Variants in TTC7A observed in about 807,000 individuals in gnomAD.
TTC7A encodes the protein tetratricopeptide repeat protein 7A.
A neutral mutation model predicts 103.7 loss-of-function variants in TTC7A; 110 were observed. The ratio of observed to expected loss-of-function variants is 1.06; its 90% CI spans 0.91 to 1.24. The LOEUF is 1.24. TTC7A is among the 50% of genes most tolerant of loss of function. TTC7A has a pLI of 0.00. For missense variants in TTC7A, 1,340 were observed against 1,116.3 expected, an observed-to-expected ratio of 1.20 and a Z score of -2.86; for synonymous variants, 521 against 467.9, an observed-to-expected ratio of 1.11 and a Z score of -1.47.
chr2:46,992,296 G>C (rs1055099103), intron 5 of TTC7A, among the ~76,000 whole-genome samples: 6 of 152,212 alleles, frequency 3.9e-5, no homozygotes, highest in African/African-American at 1.4e-4. Context: ...GTGTGCGAGG[G>C]TCAGACCTGC....
intron 2 of TTC7A, among the ~76,000 whole-genome samples, chr2:46,919,592 C>G (rs1668993269): frequency 2.6e-5 from 4 of 152,100 alleles, no homozygotes; most frequent in Admixed American, 2.6e-4. Flanking sequence ...TGAAATTGAT[C>G]AGAAGTCTAA....
Position 46,993,532 on chromosome 2 carries a change from A to T in TTC7A, c.843+4A>T. ...AGCAACTCAGAACTTCAAAGTGGTA[A>T]TGTGGGGTGCTGGCAGTGCTGGCTT... On this transcript the variant is annotated splice_donor_region_variant and intron_variant, in intron 6 of 19. Coordinates refer to ENST00000319190, the MANE Select transcript of TTC7A (RefSeq NM_020458.4). The T allele has an allele frequency of 2.5e-6, 4 of 1,613,970 alleles. No homozygotes were observed. The highest frequency in any genetic ancestry group is 3.4e-6 in the Non-Finnish European group (4 of 1,179,890).
In TTC7A at chr2:46,993,309, C is replaced by CT. The variant is rs60188383; in HGVS notation, c.765-140dup. ...CCTCTAAAGTCCTGGTGTTACAACTCTAACTTTTCACTCCAGTTATCGAAT... is the reference window on the plus strand; with the variant it reads ...CCTCTAAAGTCCTGGTGTTACAACTCTTAACTTTTCACTCCAGTTATCGAAT... On this transcript the variant is annotated intron_variant, in intron 5 of 19. Coordinates refer to ENST00000319190, the MANE Select transcript of TTC7A (RefSeq NM_020458.4). 119,202 of 761,258 alleles carry CT rather than the reference C, an allele frequency of 0.16. 10,350 individuals are homozygous for CT. The highest frequency in any genetic ancestry group is 0.22 in the Middle Eastern group (900 of 4,104). The allele number at this position is 761,258 out of a possible 1,614,324, so 47.2% of individuals were successfully genotyped here. A position where few individuals can be genotyped will look rare whatever the true frequency, so the allele number is the denominator to read the frequency against.
intron 2 of TTC7A, among the ~76,000 whole-genome samples, chr2:46,951,960 T>C (rs1436850744): frequency 1.3e-5 from 2 of 152,250 alleles, no homozygotes; most frequent in Admixed American, 6.5e-5. Flanking sequence ...GGGATGCTCT[T>C]TGGGGATAAG....
chr2:46,936,729 A>C (rs1669997731), upstream of TTC7A, among the ~76,000 whole-genome samples: 1 of 152,222 alleles, frequency 6.6e-6, no homozygotes, highest in African/African-American at 2.4e-5. Context: ...TGCGGTAGCC[A>C]CTATGAGGAA....
intron 4 of TTC7A, 199 bp from the exon 5 acceptor site, chr2:46,978,593 C>A: frequency 2.9e-6 from 1 of 345,150 alleles, no homozygotes. Flanking sequence ...GGCTTGTGGG[C>A]ATCTAACGGT....
intron 1 of TTC7A, among the ~76,000 whole-genome samples, chr2:46,948,618 G>A (rs559784543): frequency 6.6e-6 from 1 of 152,108 alleles, no homozygotes; most frequent in African/African-American, 2.4e-5. Context: ...CTTCTTCAGA[G>A]GCATGAAGTT....
intron 18 of TTC7A, among the ~76,000 whole-genome samples, chr2:47,059,823 C>A (rs1017315155): frequency 6.6e-6 from 1 of 152,176 alleles, no homozygotes. Flanking sequence ...CATGCCTTGA[C>A]CCCTCTGTGC....
intron 11 of TTC7A, among the ~76,000 whole-genome samples, chr2:47,012,269 C>G (rs905519804): frequency 6.6e-6 from 1 of 152,238 alleles, no homozygotes; most frequent in African/African-American, 2.4e-5. Flanking sequence ...TTTCTTCAGT[C>G]CCAATCAGCT....
intron 3 of TTC7A, among the ~76,000 whole-genome samples, chr2:46,968,405 C>A (rs1187725680): frequency 6.6e-6 from 1 of 152,154 alleles, no homozygotes; most frequent in African/African-American, 2.4e-5. Context: ...GTAGTCTGGC[C>A]GTTTGTGCAG....
rs546680801 is a variant in TTC7A, at chr2:47,046,445, A to C, written c.1919+14A>C. 1 of 1,608,562 alleles carries C rather than the reference A, an allele frequency of 6.2e-7. No homozygotes were observed. Among genetic ancestry groups the C allele is most frequent in the South Asian group, 1.1e-5 (1 of 90,970 alleles). Reference sequence around the variant, plus strand: ...CTCCCAGCTGGGGTGAGTGGCCGTCATTGTCTCTTGGGTTGCCAGAGGGTG... The same window carrying C: ...CTCCCAGCTGGGGTGAGTGGCCGTCCTTGTCTCTTGGGTTGCCAGAGGGTG... On this transcript the variant is annotated intron_variant, in intron 16 of 19. Transcript: ENST00000319190.
At chr2:47,004,560 T>C (rs937725729) in intron 8 of TTC7A, among the ~76,000 whole-genome samples, 3 of 152,070 alleles carry the variant, frequency 2.0e-5, no homozygotes, top group African/African-American at 7.2e-5. Flanking sequence ...GTCCTTGGTC[T>C]TGAGGTCCTG....
intron 2 of TTC7A, among the ~76,000 whole-genome samples, chr2:46,950,987 A>G (rs1671356940): frequency 6.6e-6 from 1 of 152,208 alleles, no homozygotes; most frequent in Admixed American, 6.5e-5. Context: ...GGTTGACTTA[A>G]TATGTGCCTG....
chr2:47,050,361 C>T lies in TTC7A; in HGVS notation c.2017+315C>T, dbSNP rs936968134. The T allele has an allele frequency of 1.3e-5, 5 of 384,430 alleles. No individual in the cohort carries two copies. In the Admixed American group the frequency reaches 1.8e-4, roughly 14 times the overall value. The allele number at this position is 384,430 out of a possible 1,614,324, so 23.8% of individuals were successfully genotyped here. On this transcript the variant is annotated intron_variant, in intron 17 of 19. Transcript: ENST00000319190. ...TTAGGCTCAAGCCAGAGGCCACAGT[C>T]CACGTAATGTCCTTGGCAGATCAAG...
intron 2 of TTC7A, among the ~76,000 whole-genome samples, chr2:46,918,269 T>G (rs576687633): frequency 8.5e-5 from 13 of 152,368 alleles, no homozygotes; most frequent in Non-Finnish European, 1.6e-4. Flanking sequence ...GAGCTGTTTT[T>G]GATTTATCTC....
intron 14 of TTC7A, among the ~76,000 whole-genome samples, chr2:47,026,278 T>C (rs974917227): frequency 6.6e-6 from 1 of 152,148 alleles, no homozygotes; most frequent in Admixed American, 6.5e-5. Context: ...GATAATCAGG[T>C]CTGCTCTAGC....
intron 12 of TTC7A, 47 bp downstream of exon 12, chr2:47,022,026 T>A (rs770133447): frequency 1.4e-6 from 2 of 1,428,854 alleles, no homozygotes; most frequent in Non-Finnish European, 2.0e-6. Context: ...TGGCTCAGGC[T>A]TCCTAACTGC....
At chr2:46,975,187 T>C (rs1572781461) in intron 4 of TTC7A, 84 bp downstream of exon 4, 2 of 1,554,238 alleles carry the variant, frequency 1.3e-6, no homozygotes, top group East Asian at 2.3e-5. Context: ...ATAGGTCACC[T>C]GTGTGCTAAT....
At chr2:46,970,659 C>T (rs1183684455) in intron 3 of TTC7A, among the ~76,000 whole-genome samples, 1 of 152,224 alleles carries the variant, frequency 6.6e-6, no homozygotes, top group Non-Finnish European at 1.5e-5. Flanking sequence ...CTGAACAGTT[C>T]GTAGGTTCGC....
Sources: allele counts gnomAD v4.1 joint callset (sites outside exome capture counted in the v4.1 genomes callset), GRCh38; gene constraint gnomAD v4.1.1; transcripts MANE v1.5; gene names NCBI Gene and HGNC (gene_info 2026-07-23, HGNC 2026-07-21).